The following C3orf70 variants were observed in gnomAD, a reference collection of about 807,000 sequenced individuals.
C3orf70 encodes UPF0524 protein C3orf70.
Under a neutral mutation model 20.7 loss-of-function variants are expected in C3orf70, and 15 were observed. The ratio of observed to expected loss-of-function variants is 0.72; its 90% CI spans 0.48 to 1.11. C3orf70 has a LOEUF of 1.11. C3orf70 is among the 50% of genes most tolerant of loss of function. The pLI, the probability that C3orf70 is intolerant of heterozygous loss-of-function variation, is 0.00. For missense variants in C3orf70, 332 were observed against 317.6 expected, an observed-to-expected ratio of 1.05 and a Z score of -0.34; for synonymous variants, 161 against 125.7, an observed-to-expected ratio of 1.28 and a Z score of -1.88.
intron 1 of C3orf70, among the ~76,000 whole-genome samples, chr3:185,103,099 G>A (rs1332899694): frequency 6.6e-6 from 1 of 151,972 alleles, no homozygotes; most frequent in Non-Finnish European, 1.5e-5. Flanking sequence ...ACAAAAATTA[G>A]CCAGGCGTGG....
At chr3:185,128,426 G>A (rs1396661883) in intron 1 of C3orf70, among the ~76,000 whole-genome samples, 1 of 151,996 alleles carries the variant, frequency 6.6e-6, no homozygotes, top group Non-Finnish European at 1.5e-5. Context: ...TGCTTGGGAG[G>A]CTGAGGCAGG....
intron 1 of C3orf70, among the ~76,000 whole-genome samples, chr3:185,087,391 T>C (rs1456031013): frequency 6.6e-6 from 1 of 152,170 alleles, no homozygotes; most frequent in Non-Finnish European, 1.5e-5. Flanking sequence ...GCAGCATCAC[T>C]GGCAATATGC....
intron 1 of C3orf70, among the ~76,000 whole-genome samples, chr3:185,121,096 G>A (rs1190409490): frequency 6.6e-6 from 1 of 152,126 alleles, no homozygotes; most frequent in African/African-American, 2.4e-5. Flanking sequence ...GGATAGGACT[G>A]AAGACTATTA....
intron 1 of C3orf70, among the ~76,000 whole-genome samples, chr3:185,102,459 A>C (rs1318510371): frequency 4.6e-5 from 7 of 152,260 alleles, no homozygotes; most frequent in East Asian, 1.9e-4. Flanking sequence ...AGAAAGAATC[A>C]GTTTCATTAA....
At chr3:185,124,845 GCAAA>G (rs1363456568) in intron 1 of C3orf70, among the ~76,000 whole-genome samples, 3 of 152,024 alleles carry the variant, frequency 2.0e-5, no homozygotes, top group Admixed American at 6.6e-5. Flanking sequence ...AAAAAAGTGA[GCAAA>G]CAATTTGAAC....
At chr3:185,089,858 ATAAG>A (rs1179347898) in intron 1 of C3orf70, among the ~76,000 whole-genome samples, 7 of 152,342 alleles carry the variant, frequency 4.6e-5, no homozygotes, top group Admixed American at 4.6e-4. Flanking sequence ...CAAACCACAA[ATAAG>A]TAACTTCCAC....
At chr3:185,084,161 C>T (rs1350584875) in intron 1 of C3orf70, among the ~76,000 whole-genome samples, 8 of 149,508 alleles carry the variant, frequency 5.4e-5, no homozygotes, top group Non-Finnish European at 1.0e-4. Context: ...CCAGCCTGGG[C>T]GACAGAGTGA....
intron 1 of C3orf70, among the ~76,000 whole-genome samples, chr3:185,132,433 A>C (rs1191150474): frequency 6.6e-6 from 1 of 152,148 alleles, no homozygotes; most frequent in Non-Finnish European, 1.5e-5. Context: ...CCAAAAAAAA[A>C]AAAAGATTAA....
At chr3:185,089,492 TTTTA>T (rs1159699319) in intron 1 of C3orf70, among the ~76,000 whole-genome samples, 1 of 152,200 alleles carries the variant, frequency 6.6e-6, no homozygotes, top group Non-Finnish European at 1.5e-5. Flanking sequence ...CCCTAGTTCC[TTTTA>T]TTAAGAACTT....
chr3:185,139,704 A>G (rs916959665), intron 1 of C3orf70, among the ~76,000 whole-genome samples: 6 of 152,144 alleles, frequency 3.9e-5, no homozygotes, highest in Non-Finnish European at 7.4e-5. Flanking sequence ...GATTTTTGAC[A>G]AGGGTACAAC....
intron 1 of C3orf70, among the ~76,000 whole-genome samples, chr3:185,137,968 T>G (rs1443151643): frequency 6.6e-6 from 1 of 152,108 alleles, no homozygotes; most frequent in Non-Finnish European, 1.5e-5. Flanking sequence ...AGCTGCCTCT[T>G]TTAAAAGGTC....
At chr3:185,116,572 T>C (rs141611100) in intron 1 of C3orf70, among the ~76,000 whole-genome samples, 151 of 152,288 alleles carry the variant, frequency 9.9e-4, no homozygotes, top group African/African-American at 3.5e-3. Context: ...AACTCTCCAG[T>C]TGTGACAACC....
chr3:185,152,758 C>T lies in C3orf70; in HGVS notation c.66G>A (p.Gln22=). 1 of 1,591,166 alleles carries T rather than the reference C, an allele frequency of 6.3e-7. No homozygotes were observed. Among genetic ancestry groups the T allele is most frequent in the Non-Finnish European group, 8.6e-7 (1 of 1,169,494 alleles). Residue 22 remains glutamine, a synonymous_variant, in exon 1 of 2, where the codon CAG becomes CAA. Transcript: ENST00000335012. ...GGGCGGCGCAACTCCGCGCCAGGGCCTGAGCCTCATCTAGTTTCTCGCTCT... is the reference window on the plus strand; with the variant it reads ...GGGCGGCGCAACTCCGCGCCAGGGCTTGAGCCTCATCTAGTTTCTCGCTCT... ...GWKSEKLDEA[Q]ALARSCAARR... is the part of the protein sequence containing the mutation.
chr3:185,152,589 G>A lies in C3orf70; in HGVS notation c.196+39C>T, dbSNP rs375810029. The A allele has an allele frequency of 7.9e-5, 119 of 1,511,820 alleles. 1 individual carries two copies. The African/African-American group carries it at 8.1e-4, about 10-fold the overall frequency. 93.7% of individuals were successfully genotyped at this position (1,511,820 alleles called of 1,614,324 possible). A position where few individuals can be genotyped will look rare whatever the true frequency, so the allele number is the denominator to read the frequency against. ...CCGGACGGCCCGGCGGGCGTCCCCC[G>A]GACCGCGGCGGAAGGCGGGAAGACG... On this transcript the variant is annotated intron_variant, in intron 1 of 1. Coordinates refer to ENST00000335012, the MANE Select transcript of C3orf70 (RefSeq NM_001025266.3).
chr3:185,136,296 A>G (rs1716619467), intron 1 of C3orf70, among the ~76,000 whole-genome samples: 1 of 152,214 alleles, frequency 6.6e-6, no homozygotes, highest in Admixed American at 6.5e-5. Flanking sequence ...CAAAAGAACT[A>G]CAAATATCTG....
intron 1 of C3orf70, among the ~76,000 whole-genome samples, chr3:185,107,470 T>C (rs1006077780): frequency 1.3e-5 from 2 of 152,178 alleles, no homozygotes; most frequent in Non-Finnish European, 2.9e-5. Flanking sequence ...AAAGAACCAC[T>C]TCAAGTGGAA....
At chr3:185,139,811 T>C (rs1716714188) in intron 1 of C3orf70, among the ~76,000 whole-genome samples, 1 of 152,026 alleles carries the variant, frequency 6.6e-6, no homozygotes, top group Non-Finnish European at 1.5e-5. Context: ...AAGCCACACC[T>C]TATAAAAAAT....
rs781089373 is a variant in C3orf70 at position 185,152,729 on chromosome 3, C to G, written c.95G>C (p.Arg32Thr). ...QALARSCAAR[R>T]PDFQPCDGLS... ...CCCGTCGCACGGCTGGAAGTCGGGT[C>G]TGCGGGCGGCGCAACTCCGCGCCAG... Residue 32 changes from arginine (R) to threonine (T), a missense_variant, in exon 1 of 2, where the codon AGA becomes ACA. Arg to Thr is a moderately conservative substitution (Grantham distance 71). Transcript: ENST00000335012. 6.3e-7 allele frequency: 1 copy of G among 1,593,728 alleles called. No individual in the cohort carries two copies. Among genetic ancestry groups the G allele is most frequent in the Non-Finnish European group, 8.5e-7 (1 of 1,170,844 alleles).
At chr3:185,120,251 A>T (rs1246290659) in intron 1 of C3orf70, among the ~76,000 whole-genome samples, 1 of 152,168 alleles carries the variant, frequency 6.6e-6, no homozygotes, top group Non-Finnish European at 1.5e-5. Flanking sequence ...TCATTTGGTC[A>T]TTCAACAAAT....
Sources: allele counts gnomAD v4.1 joint callset (sites outside exome capture counted in the v4.1 genomes callset), GRCh38; gene constraint gnomAD v4.1.1; transcripts MANE v1.5; gene names NCBI Gene and HGNC (gene_info 2026-07-23, HGNC 2026-07-21).